The following PRMT7 variants were observed in gnomAD, a reference collection of about 807,000 sequenced individuals.
The protein encoded by PRMT7 is protein arginine methyltransferase 7.
A neutral mutation model predicts 85.4 loss-of-function variants in PRMT7; 75 were observed. That is an observed-to-expected ratio of 0.88 (90% CI 0.73 to 1.06). The LOEUF (loss-of-function observed/expected upper bound fraction) is 1.06, where lower values mean the gene tolerates loss of function less well. Among genes scored for constraint, PRMT7 ranks in the 50% least tolerant of loss-of-function variants. PRMT7 has a pLI of 0.00. For missense variants in PRMT7, 868 were observed against 915.2 expected (o/e 0.95, Z 0.67); for synonymous variants, 397 against 359.5 (o/e 1.10, Z -1.18).
intron 4 of PRMT7, 154 bp downstream of exon 4, chr16:68,321,616 T>C: frequency 1.6e-6 from 1 of 631,890 alleles, no homozygotes; most frequent in Non-Finnish European, 2.7e-6. Flanking sequence ...TGGGTCCTAC[T>C]TCTGGCTCTA....
intron 6 of PRMT7, among the ~76,000 whole-genome samples, chr16:68,332,445 C>A (rs544859396): frequency 6.6e-6 from 1 of 152,198 alleles, no homozygotes; most frequent in East Asian, 1.9e-4. Context: ...TTACTGTAAC[C>A]TTTCTGGAGT....
intron 12 of PRMT7, 90 bp from the exon 13 acceptor site, chr16:68,347,541 T>C (rs962428740): frequency 9.3e-5 from 131 of 1,401,178 alleles, no homozygotes; most frequent in Non-Finnish European, 8.5e-5. Context: ...GTGTGTCCTC[T>C]GTCTTAGGAT....
At chr16:68,326,179 G>T (rs1485967667) in intron 5 of PRMT7, among the ~76,000 whole-genome samples, 1 of 152,148 alleles carries the variant, frequency 6.6e-6, no homozygotes, top group Non-Finnish European at 1.5e-5. Flanking sequence ...TTGGGGGCAG[G>T]CAGGGAGCAT....
chr16:68,325,636 C>T (rs2083018877), intron 5 of PRMT7, among the ~76,000 whole-genome samples: 1 of 151,952 alleles, frequency 6.6e-6, no homozygotes, highest in African/African-American at 2.4e-5. Flanking sequence ...ACTAAAAATA[C>T]AAAAATTAGC....
chr16:68,353,621 C>G, intron 16 of PRMT7, 55 bp downstream of exon 16: 1 of 1,466,850 alleles, frequency 6.8e-7, no homozygotes, highest in Non-Finnish European at 9.1e-7. Flanking sequence ...TATCGCAGGC[C>G]TCTCACAGGG....
intron 6 of PRMT7, among the ~76,000 whole-genome samples, chr16:68,331,622 C>G (rs922681221): frequency 6.6e-6 from 1 of 151,694 alleles, no homozygotes; most frequent in Non-Finnish European, 1.5e-5. Flanking sequence ...CTCATGCCAC[C>G]ATGCCTGGCT....
intron 5 of PRMT7, among the ~76,000 whole-genome samples, chr16:68,328,858 C>T (rs749553331): frequency 6.6e-6 from 1 of 152,164 alleles, no homozygotes. Context: ...CCGGCATCCC[C>T]GCTGTGCCTG....
chr16:68,344,678 T>TA (rs1419880382), intron 9 of PRMT7, among the ~76,000 whole-genome samples: 1 of 152,206 alleles, frequency 6.6e-6, no homozygotes. Flanking sequence ...CACAGCTTAT[T>TA]AAAAATTGAC....
intron 14 of PRMT7, among the ~76,000 whole-genome samples, chr16:68,349,259 C>T (rs1288931203): frequency 1.3e-5 from 2 of 152,132 alleles, no homozygotes; most frequent in Non-Finnish European, 2.9e-5. Flanking sequence ...TGCTCCGTGG[C>T]ACTCTCCCCG....
intron 9 of PRMT7, among the ~76,000 whole-genome samples, chr16:68,344,967 C>CT (rs1292880023): frequency 6.3e-5 from 6 of 94,576 alleles, no homozygotes; most frequent in Admixed American, 3.6e-4. Context: ...CGGGCATGCA[C>CT]ATTTTTTTTT....
chr16:68,321,023 C>T (rs2082425568), intron 3 of PRMT7, among the ~76,000 whole-genome samples: 2 of 152,028 alleles, frequency 1.3e-5, no homozygotes, highest in South Asian at 4.2e-4. Context: ...AATCCCAGCA[C>T]TTTAGGAGGC....
chr16:68,357,171 C>G lies in PRMT7; in HGVS notation c.2026C>G (p.Pro676Ala). 1.9e-6 allele frequency: 3 copies of G among 1,613,956 alleles called. No homozygotes were observed. The highest frequency in any genetic ancestry group is 2.5e-6 in the Non-Finnish European group (3 of 1,179,986). The change falls in exon 19 of 19, where the codon CCC becomes GCC. Residue 676 changes from proline to alanine, a missense_variant. Physicochemically the swap from Pro to Ala is conservative, Grantham distance 27. Transcript: ENST00000441236. ...RTVSYAVEFH[P>A]DTGDIIMEFR... ...TGTCAGCTATGCAGTGGAGTTTCAC[C>G]CCGACACAGGCGACATCATCATGGA...
At chr16:68,337,253 T>C (rs1250535689) in intron 6 of PRMT7, among the ~76,000 whole-genome samples, 1 of 152,206 alleles carries the variant, frequency 6.6e-6, no homozygotes, top group East Asian at 1.9e-4. Context: ...CAATTAGCGT[T>C]TTGTCATACA....
chr16:68,329,453 A>G (rs926188048), intron 6 of PRMT7: 1 of 252,024 alleles, frequency 4.0e-6, no homozygotes, highest in African/African-American at 2.2e-5. Flanking sequence ...TATGGGGCTC[A>G]ACTCTTGAGT....
chr16:68,329,518 C>A (rs2083559976), intron 6 of PRMT7: 1 of 172,700 alleles, frequency 5.8e-6, no homozygotes, highest in African/African-American at 2.4e-5. Flanking sequence ...GATACTGCCA[C>A]TGCTCAAAGC....
At chr16:68,342,599 G>C (rs1040616513) in intron 9 of PRMT7, among the ~76,000 whole-genome samples, 1 of 152,156 alleles carries the variant, frequency 6.6e-6, no homozygotes, top group Non-Finnish European at 1.5e-5. Flanking sequence ...ATTATGGAAG[G>C]CCTTAGCAGC....
chr16:68,339,284 C>T, intron 7 of PRMT7, 38 bp from the exon 8 acceptor site: 1 of 1,609,898 alleles, frequency 6.2e-7, no homozygotes, highest in Non-Finnish European at 8.5e-7. Context: ...GTCTAAGCAT[C>T]TGATTTTTGT....
rs765342228 is a variant in PRMT7 at position 68,347,207 on chromosome 16, G to T, written c.1192-4G>T. ...CCTGTGCTGAGCTTGCCTGTTCCCC[G>T]CAGGTGCTGAAGCCAGACAGCGTGT... On this transcript the variant is annotated splice_polypyrimidine_tract_variant and splice_region_variant and intron_variant, in intron 11 of 18. Coordinates refer to ENST00000441236, the MANE Select transcript of PRMT7 (RefSeq NM_019023.5). 1.9e-6 allele frequency: 3 copies of T among 1,551,652 alleles called. No individual in the cohort carries two copies. The highest frequency in any genetic ancestry group is 4.9e-5 in the East Asian group (2 of 41,160).
At chr16:68,348,476 G>T in intron 14 of PRMT7, 45 bp downstream of exon 14, 1 of 1,495,478 alleles carries the variant, frequency 6.7e-7, no homozygotes, top group South Asian at 1.1e-5. Flanking sequence ...GTGTTAGGGT[G>T]GTCAGCACGG....
Sources: gnomAD v4.1 joint callset for allele counts (sites outside exome capture counted in the v4.1 genomes callset) on GRCh38, gnomAD v4.1.1 for gene constraint, MANE v1.5 for transcripts, NCBI Gene and HGNC (gene_info 2026-07-23, HGNC 2026-07-21) for gene names.